The following AP4E1 variants were observed in gnomAD, a reference collection of about 807,000 sequenced individuals.
AP4E1 encodes the protein AP-4 complex subunit epsilon-1.
A neutral mutation model predicts 128.2 loss-of-function variants in AP4E1; 56 were observed. That is an observed-to-expected ratio of 0.44 (90% CI 0.35 to 0.55). AP4E1 has a LOEUF of 0.55. Among genes scored for constraint, AP4E1 ranks in the 20% least tolerant of loss-of-function variants. The probability of loss-of-function intolerance (pLI) is 0.00; values close to 1 mark genes in which losing one functional copy is unlikely to be tolerated. For synonymous variants in AP4E1, 484 were observed against 473.1 expected (o/e 1.02, Z -0.30); for missense variants, 1,324 against 1,307.7 (o/e 1.01, Z -0.19).
chr15:50,995,454 G>A (rs1210240627), intron 17 of AP4E1, among the ~76,000 whole-genome samples: 1 of 148,374 alleles, frequency 6.7e-6, no homozygotes, highest in Non-Finnish European at 1.5e-5. Context: ...CTGGAGCGCA[G>A]TGGCATGATA....
chr15:50,912,345 A>G (rs1184066241), intron 2 of AP4E1, among the ~76,000 whole-genome samples, 196 bp downstream of exon 2: 1 of 152,208 alleles, frequency 6.6e-6, no homozygotes, highest in South Asian at 2.1e-4. Context: ...AGATTTGCCT[A>G]TGTGAAGTCA....
At position 50,910,313 on chromosome 15, in the gene AP4E1, T is replaced by A. The variant is rs368854768; in HGVS notation, c.150+1385T>A. On this transcript the variant is annotated intron_variant, in intron 1 of 20. Transcript: ENST00000261842. ...AGGCGCTCGATGGTTGCACGGATTG[T>A]GTAGTATACCGATTCACAGCTACAA... 2.0e-5 allele frequency among the ~76,000 whole-genome samples: 3 copies of A among 152,130 alleles called. No homozygotes were observed. The South Asian group carries it at 6.2e-4, about 32-fold the overall frequency.
rs2064994917 is a variant in AP4E1 at position 51,004,112 on chromosome 15, G to A, written c.*1450G>A. 1 of 152,168 alleles carries A rather than the reference G, an allele frequency of 6.6e-6. No individual in the cohort carries two copies. Among genetic ancestry groups the A allele is most frequent in the African/African-American group, 2.4e-5 (1 of 41,424 alleles). 9.4% of individuals were successfully genotyped at this position (152,168 alleles called of 1,614,324 possible). On this transcript the variant is annotated 3_prime_UTR_variant, in exon 21 of 21. Transcript: ENST00000261842. Reference sequence around the variant, plus strand: ...TGAAGCCTTGCTACAAGAGTCATAAGTGACTGGAATTTCTTGCATAATAGG... The same window carrying A: ...TGAAGCCTTGCTACAAGAGTCATAAATGACTGGAATTTCTTGCATAATAGG...
chr15:50,969,773 C>G (rs56049414), intron 15 of AP4E1, among the ~76,000 whole-genome samples: 2,794 of 151,764 alleles, frequency 0.018, 101 homozygotes, highest in African/African-American at 0.064. Flanking sequence ...ATTCTCCTGC[C>G]TCAGCCTCCC....
Position 50,909,577 on chromosome 15 carries a change from T to C in AP4E1, c.150+649T>C, listed in dbSNP as rs1418774564. On this transcript the variant is annotated intron_variant, in intron 1 of 20. Coordinates refer to ENST00000261842, the MANE Select transcript of AP4E1 (RefSeq NM_007347.5). ...TGAGCAGTTATAAAAATTCTTAAAC[T>C]TTTAAAATTTTTAAATTTTTATTGA... Among the ~76,000 whole-genome samples, 3 of 152,270 alleles carry C rather than the reference T, an allele frequency of 2.0e-5. No individual in the cohort carries two copies. The East Asian group carries it at 5.8e-4, about 29-fold the overall frequency.
chr15:50,918,182 GCATA>G (rs1446185504), intron 3 of AP4E1: 1 of 152,196 alleles, frequency 6.6e-6, no homozygotes, highest in Non-Finnish European at 1.5e-5. Context: ...ATATAATCAG[GCATA>G]CAAATGACCA....
chr15:50,948,778 G>A (rs948915542), intron 11 of AP4E1, among the ~76,000 whole-genome samples: 5 of 151,900 alleles, frequency 3.3e-5, no homozygotes, highest in Non-Finnish European at 7.4e-5. Flanking sequence ...TTTGAGACCA[G>A]CCTGACCAAC....
chr15:50,989,747 T>C (rs943668143), intron 16 of AP4E1, among the ~76,000 whole-genome samples: 9 of 151,770 alleles, frequency 5.9e-5, no homozygotes, highest in Admixed American at 5.9e-4. Flanking sequence ...ATCTGGGGGG[T>C]GTGACAGGGC....
chr15:51,000,720 G>A (rs1466828178), intron 19 of AP4E1, among the ~76,000 whole-genome samples: 2 of 152,146 alleles, frequency 1.3e-5, no homozygotes, highest in African/African-American at 4.8e-5. Flanking sequence ...GAAAAGTTCT[G>A]TATTATAGTT....
Position 50,923,296 on chromosome 15 carries a change from G to A in AP4E1, c.347-635G>A, listed in dbSNP as rs192338777. Among the ~76,000 whole-genome samples, 48 of 152,272 alleles carry A rather than the reference G, an allele frequency of 3.2e-4. No homozygotes were observed. In the Middle Eastern group the frequency reaches 0.01, roughly 32 times the overall value. ...TAATATATTTCCTCAATGTTAAAAT[G>A]TACTTTAAAAATGTTTTAATATTAT... On this transcript the variant is annotated intron_variant, in intron 3 of 20. Transcript: ENST00000261842.
At chr15:50,990,518 C>T (rs867733722) in intron 16 of AP4E1, among the ~76,000 whole-genome samples, 7 of 151,674 alleles carry the variant, frequency 4.6e-5, no homozygotes, top group African/African-American at 1.7e-4. Context: ...CATTCAAAGC[C>T]GGGATTACAG....
Position 50,950,764 on chromosome 15 carries a change from C to G in AP4E1, c.1548+595C>G, listed in dbSNP as rs959596542. ...CACAATAGCTCTTCTTCCTAAAGCT[C>G]TCCACCCCCACCACCCTCCCTGATA... On this transcript the variant is annotated intron_variant, in intron 13 of 20. Transcript: ENST00000261842. Among the ~76,000 whole-genome samples the G allele has an allele frequency of 2.6e-5, 4 of 152,256 alleles. 1 individual carries two copies. Among genetic ancestry groups the G allele is most frequent in the African/African-American group, 9.6e-5 (4 of 41,546 alleles).
chr15:51,002,809 T>A lies in AP4E1; in HGVS notation c.*147T>A, dbSNP rs557487901. On this transcript the variant is annotated 3_prime_UTR_variant, in exon 21 of 21. Coordinates refer to ENST00000261842, the MANE Select transcript of AP4E1 (RefSeq NM_007347.5). ...TATATGTTTTCTTTGTGATTCCTGG[T>A]CAAGAAAGATCCCCAAAACTGTATC... is the stretch of plus-strand genomic sequence containing the variant. 5.0e-6 allele frequency: 5 copies of A among 1,001,856 alleles called. No individual in the cohort carries two copies. In the African/African-American group the frequency reaches 8.0e-5, roughly 16 times the overall value. The allele number at this position is 1,001,856 out of a possible 1,614,324, so 62.1% of individuals were successfully genotyped here. A position where few individuals can be genotyped will look rare whatever the true frequency, so the allele number is the denominator to read the frequency against.
At chr15:50,926,728 A>G (rs1403263232) in intron 5 of AP4E1, among the ~76,000 whole-genome samples, 3 of 151,654 alleles carry the variant, frequency 2.0e-5, no homozygotes, top group African/African-American at 7.3e-5. Flanking sequence ...CCTCCTGAGT[A>G]GTTGGAACTA....
chr15:50,944,728 G>C, intron 10 of AP4E1: 1 of 536,694 alleles, frequency 1.9e-6, no homozygotes, highest in South Asian at 2.7e-5. Flanking sequence ...GACTTACAGA[G>C]AGTTCCAAGA....
At chr15:50,982,467 C>G (rs1445291179) in intron 15 of AP4E1, among the ~76,000 whole-genome samples, 2 of 152,178 alleles carry the variant, frequency 1.3e-5, no homozygotes, top group African/African-American at 4.8e-5. Flanking sequence ...AGCCCTACTC[C>G]TATTCCTTCT....
intron 16 of AP4E1, among the ~76,000 whole-genome samples, chr15:50,991,582 A>C (rs1235016243): frequency 6.6e-6 from 1 of 151,840 alleles, no homozygotes; most frequent in Non-Finnish European, 1.5e-5. Flanking sequence ...TAGAACCTGG[A>C]GGAAGAAAGG....
At chr15:50,953,973 A>G (rs2064184439) in intron 13 of AP4E1, among the ~76,000 whole-genome samples, 1 of 152,190 alleles carries the variant, frequency 6.6e-6, no homozygotes, top group African/African-American at 2.4e-5. Flanking sequence ...GCATGTTCCA[A>G]TTGATGGCAG....
At chr15:50,947,167 A>T (rs946736297) in intron 10 of AP4E1, among the ~76,000 whole-genome samples, 1 of 149,944 alleles carries the variant, frequency 6.7e-6, no homozygotes, top group African/African-American at 2.5e-5. Flanking sequence ...TGTAATCCCA[A>T]CACTTGGGGA....
Sources: allele counts gnomAD v4.1 joint callset (sites outside exome capture counted in the v4.1 genomes callset), GRCh38; gene constraint gnomAD v4.1.1; transcripts MANE v1.5; gene names NCBI Gene and HGNC (gene_info 2026-07-23, HGNC 2026-07-21).